RNF4: variants seen among roughly 807,000 people sequenced by gnomAD.
The protein encoded by RNF4 is E3 ubiquitin-protein ligase RNF4.
A neutral mutation model predicts 24.3 loss-of-function variants in RNF4; 7 were observed. The ratio of observed to expected loss-of-function variants is 0.29; its 90% CI spans 0.16 to 0.54. The LOEUF (loss-of-function observed/expected upper bound fraction) is 0.54. Ranked by LOEUF, RNF4 falls within the 20% of genes least tolerant of loss-of-function variation. The pLI is 0.95. For synonymous variants in RNF4, 83 were observed against 84.3 expected (o/e 0.98, Z 0.09); for missense variants, 209 against 248.5 (o/e 0.84, Z 1.07).
At chr4:2,481,814 C>G (rs994555278) in intron 1 of RNF4, among the ~76,000 whole-genome samples, 7 of 152,122 alleles carry the variant, frequency 4.6e-5, no homozygotes, top group Admixed American at 4.6e-4. Flanking sequence ...CTCAAGCGAG[C>G]CTCCCACCTC....
chr4:2,471,026 C>T (rs117653625), intron 1 of RNF4: 8 of 144,450 alleles, frequency 5.5e-5, no homozygotes, highest in East Asian at 2.0e-4. Context: ...AGTGCACTGG[C>T]GTGTTCTCGG....
At chr4:2,469,387 A>G (rs576891906) in intron 1 of RNF4, 129 bp downstream of exon 1, 1 of 152,080 alleles carries the variant, frequency 6.6e-6, no homozygotes, top group Non-Finnish European at 1.5e-5. Flanking sequence ...CGGGACCTCG[A>G]GCCAGCTCTG....
At chr4:2,473,418 A>G (rs1378780873) in intron 1 of RNF4, among the ~76,000 whole-genome samples, 1 of 152,206 alleles carries the variant, frequency 6.6e-6, no homozygotes, top group South Asian at 2.1e-4. Flanking sequence ...AGAACTTGGA[A>G]AAAGTTGATT....
chr4:2,509,496 G>C (rs1736204636), intron 4 of RNF4, among the ~76,000 whole-genome samples: 1 of 152,158 alleles, frequency 6.6e-6, no homozygotes, highest in African/African-American at 2.4e-5. Flanking sequence ...GAGATTCCAG[G>C]TGTGAGCCAC....
At position 2,514,061 on chromosome 4, in the gene RNF4, G is replaced by A. The variant is rs1053108378; in HGVS notation, c.*242G>A. On this transcript the variant is annotated 3_prime_UTR_variant, in exon 8 of 8. Coordinates refer to ENST00000314289, the MANE Select transcript of RNF4 (RefSeq NM_002938.5). ...GGGGTGGTCCAGTTCTAGAGTGGGA[G>A]AAAGGGAGTCAGGCGCATTGGGAAT... 4.2e-6 allele frequency: 2 copies of A among 480,020 alleles called. No homozygotes were observed. The highest frequency in any genetic ancestry group is 3.7e-6 in the Non-Finnish European group (1 of 270,196). 29.7% of individuals were successfully genotyped at this position (480,020 alleles called of 1,614,324 possible).
chr4:2,474,461 G>A (rs1735007008), intron 1 of RNF4, among the ~76,000 whole-genome samples: 1 of 152,072 alleles, frequency 6.6e-6, no homozygotes, highest in Non-Finnish European at 1.5e-5. Flanking sequence ...AACACATGGA[G>A]AGTTGCTTCC....
Position 2,512,902 on chromosome 4 carries a change from C to G in RNF4, c.375-181C>G, listed in dbSNP as rs1195333349. ...CAGGTTGTGTGCACCTTCTCATGTT[C>G]ACCCTCCCACATGCCCTTGGGGCAG... On this transcript the variant is annotated intron_variant, in intron 6 of 7. Coordinates refer to ENST00000314289, the MANE Select transcript of RNF4 (RefSeq NM_002938.5). This position sits in a 1 kb window ranked among gnomAD's most constrained non-coding sequence, Gnocchi z 4.1. Among the ~76,000 whole-genome samples the G allele has an allele frequency of 6.6e-6, 1 of 152,164 alleles. No homozygotes were observed. The highest frequency in any genetic ancestry group is 2.4e-5 in the African/African-American group (1 of 41,442).
rs1168418002 is a variant in RNF4 at position 2,469,218 on chromosome 4, A to G, written c.-198A>G. 2 of 152,174 alleles carry G rather than the reference A, an allele frequency of 1.3e-5. No individual in the cohort carries two copies. Among genetic ancestry groups the G allele is most frequent in the Non-Finnish European group, 2.9e-5 (2 of 68,084 alleles). 9.4% of individuals were successfully genotyped at this position (152,174 alleles called of 1,614,324 possible). On this transcript the variant is annotated 5_prime_UTR_variant, in exon 1 of 8. Coordinates refer to ENST00000314289, the MANE Select transcript of RNF4 (RefSeq NM_002938.5). ...CGCCGGCGGTGGCGCCTGCGGACCT[A>G]ACTAGCTCCAGGTTAGGCCGAGCTT...
chr4:2,498,071 A>G (rs1345889229), intron 3 of RNF4, among the ~76,000 whole-genome samples: 4 of 152,232 alleles, frequency 2.6e-5, no homozygotes, highest in African/African-American at 4.8e-5. Flanking sequence ...ACTTGAGGCT[A>G]GGATCCTGGC....
At chr4:2,475,892 CT>C (rs1240216689) in intron 1 of RNF4, among the ~76,000 whole-genome samples, 1 of 152,214 alleles carries the variant, frequency 6.6e-6, no homozygotes, top group Non-Finnish European at 1.5e-5. Flanking sequence ...CACCCCACCC[CT>C]GACTCCTACC....
At chr4:2,487,475 G>A (rs944380615) in intron 1 of RNF4, among the ~76,000 whole-genome samples, 2 of 152,188 alleles carry the variant, frequency 1.3e-5, no homozygotes, top group Admixed American at 6.5e-5. Context: ...TAGTAGAGAC[G>A]GGGTTTCGCC....
intron 1 of RNF4, among the ~76,000 whole-genome samples, chr4:2,474,093 G>C (rs1734995166): frequency 6.6e-6 from 1 of 150,914 alleles, no homozygotes; most frequent in African/African-American, 2.4e-5. Flanking sequence ...AAAAATAAAA[G>C]GGCCAGGCAA....
At chr4:2,487,699 G>T (rs986282314) in intron 1 of RNF4, among the ~76,000 whole-genome samples, 4 of 152,270 alleles carry the variant, frequency 2.6e-5, no homozygotes, top group South Asian at 2.1e-4. Context: ...TGGGGTTATA[G>T]GGCATGAGCC....
intron 4 of RNF4, chr4:2,505,514 A>C (rs1736062612): frequency 6.7e-6 from 1 of 149,854 alleles, no homozygotes; most frequent in Admixed American, 6.6e-5. Context: ...TTTAGTAGAG[A>C]CGGGGTTTCA....
At chr4:2,507,228 G>A (rs1736130619) in intron 4 of RNF4, among the ~76,000 whole-genome samples, 2 of 152,004 alleles carry the variant, frequency 1.3e-5, no homozygotes, top group South Asian at 2.1e-4. Flanking sequence ...GGGAAGGAGG[G>A]AGGGACAGAA....
chr4:2,508,855 G>T (rs968420161), intron 4 of RNF4, among the ~76,000 whole-genome samples: 4 of 145,006 alleles, frequency 2.8e-5, no homozygotes, highest in African/African-American at 1.0e-4. Context: ...CGGGTGATCT[G>T]CCCGCCTCTG....
At chr4:2,495,932 G>T (rs1335941070) in intron 2 of RNF4, among the ~76,000 whole-genome samples, 1 of 152,172 alleles carries the variant, frequency 6.6e-6, no homozygotes, top group Non-Finnish European at 1.5e-5. Context: ...CGCCTGGCCA[G>T]CTCTGTCTCT....
At chr4:2,504,054 C>CA (rs1735994413) in intron 4 of RNF4, among the ~76,000 whole-genome samples, 1 of 151,432 alleles carries the variant, frequency 6.6e-6, no homozygotes, top group South Asian at 2.1e-4. Context: ...CTGTCTTCTT[C>CA]AAAAAAGAAA....
At chr4:2,507,460 T>C (rs1394047270) in intron 4 of RNF4, among the ~76,000 whole-genome samples, 1 of 152,202 alleles carries the variant, frequency 6.6e-6, no homozygotes, top group Non-Finnish European at 1.5e-5. Context: ...AACTGCATGA[T>C]GTGTGTAGCT....
Sources: gnomAD v4.1 joint callset for allele counts (sites outside exome capture counted in the v4.1 genomes callset) on GRCh38, gnomAD v4.1.1 for gene constraint, Gnocchi (gnomAD v3.1) non-coding constraint, MANE v1.5 for transcripts, NCBI Gene and HGNC (gene_info 2026-07-23, HGNC 2026-07-21) for gene names.